The following ZCWPW2 variants were observed in gnomAD, a reference collection of about 807,000 sequenced individuals.
ZCWPW2 encodes zinc finger CW-type PWWP domain protein 2.
In ZCWPW2, 45 loss-of-function variants were observed where a neutral mutation model predicts 46.6. That is an observed-to-expected ratio of 0.96 (90% confidence interval 0.76 to 1.24). The LOEUF (loss-of-function observed/expected upper bound fraction) is 1.24, where lower values mean the gene tolerates loss of function less well. Ranked by LOEUF, ZCWPW2 falls within the 50% of genes most tolerant of loss-of-function variation. The pLI, the probability that ZCWPW2 is intolerant of heterozygous loss-of-function variation, is 0.00. For synonymous variants in ZCWPW2, 152 were observed against 137.1 expected, an observed-to-expected ratio of 1.11 and a Z score of -0.76; for missense variants, 429 against 403.9, an observed-to-expected ratio of 1.06 and a Z score of -0.53.
At chr3:28,490,851 T>C (rs1262385002) in intron 5 of ZCWPW2, among the ~76,000 whole-genome samples, 1 of 152,106 alleles carries the variant, frequency 6.6e-6, no homozygotes, top group Non-Finnish European at 1.5e-5. Context: ...CTGTCTAATA[T>C]AGTAGCCGAT....
intron 1 of ZCWPW2, among the ~76,000 whole-genome samples, chr3:28,372,327 G>A (rs6807612): frequency 0.54 from 81,892 of 151,898 alleles, 22,603 homozygotes; most frequent in African/African-American, 0.6. Flanking sequence ...TAAAGACATG[G>A]AAGTTTTTAG....
intron 3 of ZCWPW2, among the ~76,000 whole-genome samples, chr3:28,419,970 C>T (rs1427259325): frequency 7.8e-5 from 11 of 141,380 alleles, no homozygotes; most frequent in African/African-American, 1.3e-4. Flanking sequence ...ATATACCTAA[C>T]GCTAAATGAC....
At chr3:28,474,185 G>A (rs1329555020) in intron 4 of ZCWPW2, among the ~76,000 whole-genome samples, 1 of 152,018 alleles carries the variant, frequency 6.6e-6, no homozygotes, top group Non-Finnish European at 1.5e-5. Context: ...ATTAATAAAA[G>A]AAAGATTGGC....
chr3:28,511,777 A>G (rs568956513), intron 6 of ZCWPW2, among the ~76,000 whole-genome samples: 1 of 152,154 alleles, frequency 6.6e-6, no homozygotes, highest in African/African-American at 2.4e-5. Context: ...TTAGATTTAC[A>G]TAATGTTCAG....
At chr3:28,508,678 A>G (rs915119235) in intron 6 of ZCWPW2, among the ~76,000 whole-genome samples, 6 of 151,710 alleles carry the variant, frequency 4.0e-5, no homozygotes, top group Admixed American at 3.3e-4. Context: ...ACTGTTGTAT[A>G]CCATCACACC....
Position 28,524,895 on chromosome 3 carries a change from TAAA to T in ZCWPW2, c.*211_*213del. On this transcript the variant is annotated 3_prime_UTR_variant, in exon 10 of 10. Transcript: ENST00000383768. ...TAAGTTAGTGTTAAAAATTTAGAATTAAAAAACCCTGATATTTGTATTTATATA... is the reference window on the plus strand; with the variant it reads ...TAAGTTAGTGTTAAAAATTTAGAATTAAACCCTGATATTTGTATTTATATA... 3.4e-6 allele frequency: 1 copy of T among 296,246 alleles called. No homozygotes were observed. Among genetic ancestry groups the T allele is most frequent in the Non-Finnish European group, 5.9e-6 (1 of 170,506 alleles). The allele number at this position is 296,246 out of a possible 1,614,324, so 18.4% of individuals were successfully genotyped here. A position where few individuals can be genotyped will look rare whatever the true frequency, so the allele number is the denominator to read the frequency against.
intron 1 of ZCWPW2, among the ~76,000 whole-genome samples, chr3:28,371,280 T>A (rs1433315747): frequency 6.6e-6 from 1 of 152,128 alleles, no homozygotes; most frequent in African/African-American, 2.4e-5. Flanking sequence ...AAGGAAATCT[T>A]TATCCAAGAC....
intron 1 of ZCWPW2, among the ~76,000 whole-genome samples, chr3:28,373,432 C>T (rs113749910): frequency 6.4e-4 from 97 of 151,866 alleles, no homozygotes; most frequent in African/African-American, 2.3e-3. Flanking sequence ...TTTTCATATA[C>T]CTATTGGCCA....
chr3:28,484,151 G>A (rs962605312), intron 5 of ZCWPW2, among the ~76,000 whole-genome samples: 5 of 151,180 alleles, frequency 3.3e-5, no homozygotes, highest in Non-Finnish European at 2.9e-5. Flanking sequence ...GGAAGTTCCC[G>A]TCCTCCTTGT....
intron 2 of ZCWPW2, among the ~76,000 whole-genome samples, chr3:28,404,669 GAT>G (rs1287266877): frequency 6.6e-6 from 1 of 151,958 alleles, no homozygotes; most frequent in African/African-American, 2.4e-5. Context: ...AAGAAACAGT[GAT>G]ATATATATAA....
Position 28,413,369 on chromosome 3 carries a change from C to T in ZCWPW2, c.301C>T (p.Leu101=). 1 of 1,609,036 alleles carries T rather than the reference C, an allele frequency of 6.2e-7. No individual in the cohort carries two copies. Among genetic ancestry groups the T allele is most frequent in the Non-Finnish European group, 8.5e-7 (1 of 1,176,354 alleles). The change falls in exon 3 of 10, where the codon CTG becomes TTG. Residue 101 remains leucine (L), a synonymous_variant. Transcript: ENST00000383768. ...IVYSQLPLGS[L]VLVKLQNWPS... is the part of the protein sequence containing the mutation. Reference sequence around the variant, plus strand: ...CTATTCACAGCTCCCTCTTGGAAGCCTGGTTTTGGTAAAATTACAGAATTG... The same window carrying T: ...CTATTCACAGCTCCCTCTTGGAAGCTTGGTTTTGGTAAAATTACAGAATTG...
chr3:28,422,757 T>C (rs185507142), intron 3 of ZCWPW2, among the ~76,000 whole-genome samples: 291 of 152,080 alleles, frequency 1.9e-3, no homozygotes, highest in African/African-American at 6.6e-3. Flanking sequence ...CTGGACAGTA[T>C]GCTATGAGTA....
At position 28,446,662 on chromosome 3, in the gene ZCWPW2, T is replaced by A. The variant is rs139145650; in HGVS notation, c.492+11393T>A. 4.4e-3 allele frequency among the ~76,000 whole-genome samples: 660 copies of A among 149,692 alleles called. 10 individuals carry two copies. The highest frequency in any genetic ancestry group is 0.015 in the African/African-American group (623 of 40,870). Reference sequence around the variant, plus strand: ...CAAAGCTACTAGAAGGAAGGAAATATTAAAGATAAGAGCAGAGATAAGATA... The same window carrying A: ...CAAAGCTACTAGAAGGAAGGAAATAATAAAGATAAGAGCAGAGATAAGATA... On this transcript the variant is annotated intron_variant, in intron 4 of 9. Coordinates refer to ENST00000383768, the MANE Select transcript of ZCWPW2 (RefSeq NM_001040432.4).
intron 3 of ZCWPW2, among the ~76,000 whole-genome samples, chr3:28,414,678 A>C (rs1490659996): frequency 2.6e-5 from 3 of 114,196 alleles, no homozygotes; most frequent in African/African-American, 6.8e-5. Context: ...TCATTGTTCA[A>C]TTCCCACCTA....
chr3:28,407,575 A>C (rs1696217865), intron 2 of ZCWPW2, among the ~76,000 whole-genome samples: 1 of 152,212 alleles, frequency 6.6e-6, no homozygotes, highest in South Asian at 2.1e-4. Context: ...GTGGTTAACT[A>C]ATTTGCCTAG....
At chr3:28,474,616 T>TGC (rs1488010444) in intron 4 of ZCWPW2, among the ~76,000 whole-genome samples, 1 of 149,154 alleles carries the variant, frequency 6.7e-6, no homozygotes, top group South Asian at 2.1e-4. Flanking sequence ...TGTGTGTGTG[T>TGC]GTGTGCGCGC....
At chr3:28,371,585 G>T (rs150699623) in intron 1 of ZCWPW2, among the ~76,000 whole-genome samples, 320 of 152,260 alleles carry the variant, frequency 2.1e-3, no homozygotes, top group African/African-American at 6.9e-3. Flanking sequence ...CTTGAGCCCA[G>T]GAGTTTGAGG....
At chr3:28,369,307 A>T (rs111276155) in intron 1 of ZCWPW2, among the ~76,000 whole-genome samples, 2,124 of 152,010 alleles carry the variant, frequency 0.014, 76 homozygotes, top group African/African-American at 0.049. Flanking sequence ...TTGGTCTTTG[A>T]TGATGGTGAC....
chr3:28,395,373 A>G (rs1695652470), intron 2 of ZCWPW2, among the ~76,000 whole-genome samples: 2 of 152,112 alleles, frequency 1.3e-5, no homozygotes, highest in African/African-American at 4.8e-5. Flanking sequence ...TTAAAAATAA[A>G]ACTACCATGT....
Sources: gnomAD v4.1 joint callset for allele counts (sites outside exome capture counted in the v4.1 genomes callset) on GRCh38, gnomAD v4.1.1 for gene constraint, MANE v1.5 for transcripts, NCBI Gene and HGNC (gene_info 2026-07-23, HGNC 2026-07-21) for gene names.